The following ZFHX3 variants were observed in gnomAD, a reference collection of about 807,000 sequenced individuals.
The protein encoded by ZFHX3 is zinc finger homeobox 3.
ZFHX3 carries 42 observed loss-of-function variants against 279.1 expected under a neutral mutation model. The observed-to-expected ratio is 0.15, with a 90% confidence interval of 0.12 to 0.19. The LOEUF is 0.19. ZFHX3 is among the 10% of genes least tolerant of loss of function. ZFHX3 has a pLI of 1.00. For synonymous variants in ZFHX3, 2,293 were observed against 1,957.8 expected (o/e 1.17, Z -4.52); for missense variants, 4,981 against 4,754.0 (o/e 1.05, Z -1.40).
At position 73,201,320 on chromosome 16, in the gene ZFHX3, T is replaced by C. The variant is rs557052255; in HGVS notation, c.-1104+55727A>G. The stretch of plus-strand genomic sequence containing the variant: ...CAGAGGAAAACAGAACCAAAGTAGG[T>C]GTGGGGAGAGTAGGGGAGTCAGATA... On this transcript the variant is annotated intron_variant, in intron 5 of 17. Coordinates refer to the ZFHX3 transcript ENST00000641206. 2.6e-5 allele frequency among the ~76,000 whole-genome samples: 4 copies of C among 152,002 alleles called. No homozygotes were observed. The East Asian group carries it at 5.8e-4, about 22-fold the overall frequency.
At chr16:72,821,016 C>T (rs1258407123) in intron 5 of ZFHX3, among the ~76,000 whole-genome samples, 1 of 152,174 alleles carries the variant, frequency 6.6e-6, no homozygotes, top group South Asian at 2.1e-4. Flanking sequence ...CAATATTCTT[C>T]TGGTTTCTTC....
chr16:73,454,982 A>G (rs2018347379), intron 3 of ZFHX3, among the ~76,000 whole-genome samples: 1 of 152,190 alleles, frequency 6.6e-6, no homozygotes. Flanking sequence ...AATGAGAATG[A>G]AGACCTTTTA....
chr16:73,029,048 G>A (rs888486737), intron 1 of ZFHX3, among the ~76,000 whole-genome samples: 7 of 152,212 alleles, frequency 4.6e-5, no homozygotes, highest in Admixed American at 4.6e-4. Flanking sequence ...CAGCCCAGGG[G>A]AGCCAAGTGC....
chr16:72,898,903 G>A (rs932148421), intron 3 of ZFHX3, among the ~76,000 whole-genome samples: 5 of 152,076 alleles, frequency 3.3e-5, no homozygotes, highest in African/African-American at 4.8e-5. Flanking sequence ...GCAAAATGAG[G>A]ACTGGTTTCC....
chr16:73,408,640 C>T (rs1007446761), intron 3 of ZFHX3, among the ~76,000 whole-genome samples: 1 of 152,154 alleles, frequency 6.6e-6, no homozygotes, highest in Admixed American at 6.5e-5. Flanking sequence ...GAAATCCGTT[C>T]CCAGCTAGCT....
chr16:73,389,142 C>A (rs1250914741), intron 3 of ZFHX3: 2 of 152,230 alleles, frequency 1.3e-5, no homozygotes, highest in East Asian at 3.9e-4. Context: ...CCCTCGAGTC[C>A]CTGTTGTGCT....
intron 7 of ZFHX3, among the ~76,000 whole-genome samples, chr16:73,111,396 C>T (rs1346374838): frequency 6.6e-6 from 1 of 152,162 alleles, no homozygotes; most frequent in African/African-American, 2.4e-5. Flanking sequence ...ACTATTTAAA[C>T]ATTAAAGAAT....
intron 2 of ZFHX3, among the ~76,000 whole-genome samples, chr16:73,554,108 T>G (rs992830056): frequency 2.6e-5 from 4 of 152,216 alleles, no homozygotes; most frequent in Admixed American, 6.5e-5. Context: ...GTTCTCTTCC[T>G]GCCAAGATTC....
chr16:73,298,870 C>A (rs1301576547), intron 4 of ZFHX3, among the ~76,000 whole-genome samples: 1 of 152,174 alleles, frequency 6.6e-6, no homozygotes, highest in Non-Finnish European at 1.5e-5. Context: ...CTCTACTTTG[C>A]AGAGCTGTGG....
At position 72,795,391 on chromosome 16, in the gene ZFHX3, T is replaced by G; in HGVS notation, c.7291A>C (p.Lys2431Gln). The G allele has an allele frequency of 6.2e-7, 1 of 1,614,092 alleles. No homozygotes were observed. Residue 2431 changes from lysine (K) to glutamine (Q), a missense_variant, in exon 9 of 10, where the codon AAG becomes CAG. Around this residue, in one of 7 missense-constraint regions of ZFHX3, gnomAD observed 744 missense variants for 701.3 expected, o/e 1.06. Transcript: ENST00000268489. ...TGTGCACTGGGAGCTTCCGCCAGCT[T>G]TGGTTTCTCATCGCCTGCCTCTGTT... ...SKTEAGDEKP[K>Q]LAEAPSAQPN... is the part of the protein sequence containing the mutation.
In ZFHX3 at chr16:72,793,193, A is replaced by C; in HGVS notation, c.9427+62T>G. The C allele has an allele frequency of 6.5e-7, 1 of 1,538,422 alleles. No individual in the cohort carries two copies. Among genetic ancestry groups the C allele is most frequent in the Non-Finnish European group, 8.7e-7 (1 of 1,145,216 alleles). On this transcript the variant is annotated intron_variant, in intron 9 of 9. Transcript: ENST00000268489. The surrounding 1 kb of genome is among the most constrained non-coding windows in gnomAD (Gnocchi z 4.3). ...CTCAGAGGGTTTGGGTGGTATCCAC[A>C]TAACAGAATGCTGACTGGGCAGCTA...
intron 7 of ZFHX3, chr16:73,093,814 A>G (rs1163011833): frequency 1.5e-5 from 4 of 266,828 alleles, no homozygotes; most frequent in African/African-American, 8.8e-5. Context: ...GTTCACTTTT[A>G]TTTATTTTTC....
At chr16:73,682,688 G>A (rs563497349) in intron 1 of ZFHX3, among the ~76,000 whole-genome samples, 11 of 151,798 alleles carry the variant, frequency 7.2e-5, no homozygotes, top group Non-Finnish European at 1.5e-4. Context: ...TCGGGAGGCT[G>A]AGGCAGGAGA....
At chr16:73,204,765 A>G (rs1359120903) in intron 5 of ZFHX3, among the ~76,000 whole-genome samples, 4 of 152,152 alleles carry the variant, frequency 2.6e-5, no homozygotes, top group Non-Finnish European at 4.4e-5. Context: ...CTAGCACAAC[A>G]CTTGGATGGG....
chr16:73,716,654 T>C (rs879814128), intron 1 of ZFHX3, among the ~76,000 whole-genome samples: 1,007 of 92,902 alleles, frequency 0.011, 6 homozygotes, highest in Non-Finnish European at 0.016. Context: ...CACACACGCA[T>C]GCACGCACGC....
intron 2 of ZFHX3, chr16:73,486,999 G>A (rs2018987133): frequency 2.9e-6 from 1 of 343,988 alleles, no homozygotes; most frequent in Non-Finnish European, 5.8e-6. Context: ...AACCTGCTTG[G>A]AAAAATAAGA....
chr16:73,611,603 G>A (rs2052247558), intron 2 of ZFHX3, among the ~76,000 whole-genome samples: 1 of 152,156 alleles, frequency 6.6e-6, no homozygotes, highest in Non-Finnish European at 1.5e-5. Context: ...TTCTGTGATT[G>A]AAAAGAAAAC....
At chr16:73,508,257 C>T (rs888527917) in intron 2 of ZFHX3, among the ~76,000 whole-genome samples, 4 of 152,150 alleles carry the variant, frequency 2.6e-5, no homozygotes, top group African/African-American at 9.7e-5. Context: ...AATTAACTTG[C>T]TTCTGGGGAA....
intron 3 of ZFHX3, among the ~76,000 whole-genome samples, chr16:72,925,652 A>G (rs1959409553): frequency 6.6e-6 from 1 of 152,246 alleles, no homozygotes; most frequent in Admixed American, 6.5e-5. Flanking sequence ...TGAAGCAATG[A>G]GGAAAAAGGA....
Sources: gnomAD v4.1 joint callset for allele counts (sites outside exome capture counted in the v4.1 genomes callset) on GRCh38, gnomAD v4.1.1 for gene constraint, gnomAD v4.1.1 regional missense constraint, Gnocchi (gnomAD v3.1) non-coding constraint, MANE v1.5 for transcripts, NCBI Gene and HGNC (gene_info 2026-07-23, HGNC 2026-07-21) for gene names.